CD163L1: variants seen among roughly 807,000 people sequenced by gnomAD.
CD163L1 encodes scavenger receptor cysteine-rich type 1 protein M160.
Under a neutral mutation model 165.4 loss-of-function variants are expected in CD163L1, and 124 were observed. The observed-to-expected ratio is 0.75, with a 90% CI of 0.65 to 0.87. CD163L1 has a LOEUF of 0.87. Among genes scored for constraint, CD163L1 ranks in the 40% least tolerant of loss-of-function variants. The pLI is 0.00. For missense variants in CD163L1, 1,525 were observed against 1,799.9 expected, an observed-to-expected ratio of 0.85 and a Z score of 2.76; for synonymous variants, 585 against 662.2, an observed-to-expected ratio of 0.88 and a Z score of 1.79.
the CD163L1 span, among the ~76,000 whole-genome samples, chr12:7,327,532 T>C: frequency 0.2 from 30,724 of 152,090 alleles, 3,490 homozygotes; most frequent in South Asian, 0.3. Flanking sequence ...AAAGAAACTA[T>C]GGAATCTTTC....
chr12:7,356,640 T>A (rs1946779663), intron 19 of CD163L1, among the ~76,000 whole-genome samples: 1 of 152,154 alleles, frequency 6.6e-6, no homozygotes, highest in African/African-American at 2.4e-5. Flanking sequence ...TTTTCAACAT[T>A]ATTTAGAAAG....
chr12:7,413,534 C>T (rs376780358), intron 4 of CD163L1, among the ~76,000 whole-genome samples: 213 of 152,320 alleles, frequency 1.4e-3, no homozygotes, highest in African/African-American at 4.9e-3. Flanking sequence ...TGGATCCCTC[C>T]GCTAGCTAAT....
chr12:7,432,163 A>C lies in CD163L1; in HGVS notation c.766+253T>G, dbSNP rs113139054. 6.6e-6 allele frequency among the ~76,000 whole-genome samples: 1 copy of C among 152,230 alleles called. No individual in the cohort carries two copies. The highest frequency in any genetic ancestry group is 2.4e-5 in the African/African-American group (1 of 41,458). On this transcript the variant is annotated intron_variant, in intron 4 of 19. Coordinates refer to ENST00000313599, the MANE Select transcript of CD163L1 (RefSeq NM_174941.6). This position sits in a 1 kb window ranked among gnomAD's most constrained non-coding sequence, Gnocchi z 4.2. ...TTTGAAAAAGGTTTTTAGAAAAAAG[A>C]TTTGATCGGCCTATGGAATACTGCT...
Position 7,368,808 on chromosome 12 carries a change from G to C in CD163L1, c.4072+125C>G. ...CAGAGCTATTGATACCACTGGCTGC[G>C]ACCCACAGACTCATATTTCTGCAGT... On this transcript the variant is annotated intron_variant, in intron 16 of 19. Transcript: ENST00000313599. This position sits in a 1 kb window ranked among gnomAD's most constrained non-coding sequence, Gnocchi z 4.3. 3 of 1,041,520 alleles carry C rather than the reference G, an allele frequency of 2.9e-6. No individual in the cohort carries two copies. Among genetic ancestry groups the C allele is most frequent in the Non-Finnish European group, 4.4e-6 (3 of 675,856 alleles). The allele number at this position is 1,041,520 out of a possible 1,614,324, so 64.5% of individuals were successfully genotyped here. A position where few individuals can be genotyped will look rare whatever the true frequency, so the allele number is the denominator to read the frequency against.
At chr12:7,413,721 C>T (rs1360396952) in intron 4 of CD163L1, among the ~76,000 whole-genome samples, 1 of 152,192 alleles carries the variant, frequency 6.6e-6, no homozygotes, top group African/African-American at 2.4e-5. Flanking sequence ...GCAGACAGCA[C>T]ACAGATGTCA....
At chr12:7,406,164 GA>G (rs1439987226) in intron 5 of CD163L1, among the ~76,000 whole-genome samples, 4 of 152,146 alleles carry the variant, frequency 2.6e-5, no homozygotes, top group Non-Finnish European at 4.4e-5. Context: ...TTGTGTCTAT[GA>G]ATATGCAAAG....
At chr12:7,427,580 T>A (rs1293644199) in intron 4 of CD163L1, among the ~76,000 whole-genome samples, 1 of 152,110 alleles carries the variant, frequency 6.6e-6, no homozygotes, top group Non-Finnish European at 1.5e-5. Flanking sequence ...GGCGATGGGC[T>A]CATGGGTTTA....
Position 7,374,385 on chromosome 12 carries a change from T to A in CD163L1, c.3409+57A>T. 1 of 1,490,914 alleles carries A rather than the reference T, an allele frequency of 6.7e-7. No homozygotes were observed. The highest frequency in any genetic ancestry group is 9.1e-7 in the Non-Finnish European group (1 of 1,102,634). 92.4% of individuals were successfully genotyped at this position (1,490,914 alleles called of 1,614,324 possible). On this transcript the variant is annotated intron_variant, in intron 13 of 19. Coordinates refer to ENST00000313599, the MANE Select transcript of CD163L1 (RefSeq NM_174941.6). The surrounding 1 kb of genome is among the most constrained non-coding windows in gnomAD (Gnocchi z 5.4). ...CACTACACTTTACAATTGTGTTGTG[T>A]GTGTGCAAGTGTGTGCACGTGTGTG...
Position 7,396,322 on chromosome 12 carries a change from C to G in CD163L1, c.1823G>C (p.Cys608Ser). ...VYFQGRWGTV[C>S]DDGWNSKAAA... ...AGCTTTACTGTTCCAGCCGTCATCA[C>G]ACACTGTGCCCCACCGTCCTTGAAA... The change falls in exon 8 of 20, where the codon TGT (cysteine) becomes TCT (serine). Residue 608 changes from cysteine to serine, a missense_variant. Coordinates refer to ENST00000313599, the MANE Select transcript of CD163L1 (RefSeq NM_174941.6). The G allele has an allele frequency of 1.2e-6, 2 of 1,614,204 alleles. No homozygotes were observed. The highest frequency in any genetic ancestry group is 2.2e-5 in the South Asian group (2 of 91,082).
At chr12:7,389,555 T>A (rs1947601503) in intron 8 of CD163L1, among the ~76,000 whole-genome samples, 1 of 151,998 alleles carries the variant, frequency 6.6e-6, no homozygotes, top group South Asian at 2.1e-4. Context: ...CAATGGTGAA[T>A]GTTTAAAAAA....
Position 7,357,457 on chromosome 12 carries a change from C to T in CD163L1, c.4309G>A (p.Ala1437Thr). Residue 1437 changes from alanine to threonine, a missense_variant, in exon 19 of 20, where the codon GCT (alanine) becomes ACT (threonine). By Grantham distance (58) the Ala-to-Thr change is moderately conservative. Transcript: ENST00000313599. Reference protein sequence around the residue: ...DDTPNHGCEDASDTSLLGVLP... With the variant: ...DDTPNHGCEDTSDTSLLGVLP... The stretch of plus-strand genomic sequence containing the variant: ...ACTCCCAACAGCGATGTGTCGCTAG[C>T]ATCTTCACAACCATGGTTGGGGGTG... 1 of 1,612,668 alleles carries T rather than the reference C, an allele frequency of 6.2e-7. No individual in the cohort carries two copies. Among genetic ancestry groups the T allele is most frequent in the East Asian group, 2.2e-5 (1 of 44,828 alleles).
the CD163L1 span, among the ~76,000 whole-genome samples, chr12:7,341,501 C>T: frequency 6.6e-6 from 1 of 152,314 alleles, no homozygotes; most frequent in African/African-American, 2.4e-5. Context: ...TCAAGAGTTA[C>T]ATAGTCCTGT....
intron 6 of CD163L1, among the ~76,000 whole-genome samples, chr12:7,401,722 C>T (rs1254867936): frequency 6.6e-6 from 1 of 151,858 alleles, no homozygotes; most frequent in Admixed American, 6.6e-5. Flanking sequence ...ACAAAGGGTA[C>T]ACACATACAC....
At chr12:7,324,619 A>G in the CD163L1 span, 1 of 1,610,040 alleles carries the variant, frequency 6.2e-7, no homozygotes, top group South Asian at 1.1e-5. Context: ...GTCATTTATT[A>G]AAGAAGCAAC....
In CD163L1 at chr12:7,380,363, G is replaced by A. The variant is rs138241399; in HGVS notation, c.2051-1065C>T. Among the ~76,000 whole-genome samples, 775 of 137,536 alleles carry A rather than the reference G, an allele frequency of 5.6e-3. 3 individuals carry two copies. The highest frequency in any genetic ancestry group is 0.031 in the South Asian group (128 of 4,102). 90.2% of individuals were successfully genotyped at this position (137,536 alleles called of 152,430 possible). A position where few individuals can be genotyped will look rare whatever the true frequency, so the allele number is the denominator to read the frequency against. ...TATACATACATGTATGTGTGTATACGCGTATACATACATGTATGTGTGTAT... is the reference window on the plus strand; with the variant it reads ...TATACATACATGTATGTGTGTATACACGTATACATACATGTATGTGTGTAT... On this transcript the variant is annotated intron_variant, in intron 8 of 19. Transcript: ENST00000313599.
At chr12:7,348,912 A>C (rs1234501910) in intron 4 of CD163L1, among the ~76,000 whole-genome samples, 1 of 151,756 alleles carries the variant, frequency 6.6e-6, no homozygotes, top group Non-Finnish European at 1.5e-5. Flanking sequence ...GCCAGGTGCG[A>C]TGGCTTACCT....
chr12:7,389,960 T>TTTTATATATATA (rs112087077), intron 8 of CD163L1, among the ~76,000 whole-genome samples: 2 of 135,964 alleles, frequency 1.5e-5, no homozygotes, highest in Non-Finnish European at 3.1e-5. Context: ...ATATATATAT[T>TTTTATATATATA]TATATATATA....
At chr12:7,409,184 TAAGA>T (rs1948084736) in intron 4 of CD163L1, among the ~76,000 whole-genome samples, 3 of 152,274 alleles carry the variant, frequency 2.0e-5, no homozygotes, top group East Asian at 3.9e-4. Flanking sequence ...TAAGTAAGCA[TAAGA>T]AAGGAAGCCA....
At chr12:7,431,507 G>C (rs1948627436) in intron 4 of CD163L1, among the ~76,000 whole-genome samples, 2 of 151,764 alleles carry the variant, frequency 1.3e-5, no homozygotes, top group Non-Finnish European at 2.9e-5. Context: ...AATGAATATA[G>C]TGTGCTAACA....
Sources: gnomAD v4.1 joint callset for allele counts (sites outside exome capture counted in the v4.1 genomes callset) on GRCh38, gnomAD v4.1.1 for gene constraint, Gnocchi (gnomAD v3.1) non-coding constraint, MANE v1.5 for transcripts, NCBI Gene and HGNC (gene_info 2026-07-23, HGNC 2026-07-21) for gene names.